The following PLCB1 variants were observed in gnomAD, a reference collection of about 807,000 sequenced individuals.
The protein encoded by PLCB1 is 1-phosphatidylinositol 4,5-bisphosphate phosphodiesterase beta-1.
In PLCB1, 46 loss-of-function variants were observed where a neutral mutation model predicts 161.8. That is an observed-to-expected ratio of 0.28 (90% confidence interval 0.22 to 0.36). The LOEUF (loss-of-function observed/expected upper bound fraction) is 0.36. PLCB1 is among the 10% of genes least tolerant of loss of function. PLCB1 has a pLI of 1.00. For synonymous variants in PLCB1, 517 were observed against 503.7 expected, an observed-to-expected ratio of 1.03 and a Z score of -0.35; for missense variants, 1,016 against 1,472.5, an observed-to-expected ratio of 0.69 and a Z score of 5.07.
chr20:8,850,770 G>A (rs1986859406), intron 31 of PLCB1, among the ~76,000 whole-genome samples: 1 of 152,054 alleles, frequency 6.6e-6, no homozygotes, highest in African/African-American at 2.4e-5. Context: ...CTGGTGCCAT[G>A]GTCTTGGAAT....
At chr20:8,271,817 G>A (rs189380509) in intron 2 of PLCB1, among the ~76,000 whole-genome samples, 41 of 152,160 alleles carry the variant, frequency 2.7e-4, no homozygotes, top group Admixed American at 2.3e-3. Flanking sequence ...ACATAACAGG[G>A]ACAAACTAAG....
intron 3 of PLCB1, among the ~76,000 whole-genome samples, chr20:8,490,636 T>C (rs138324278): frequency 1.4e-3 from 210 of 152,314 alleles, no homozygotes; most frequent in African/African-American, 4.9e-3. Context: ...ACACTTTGTA[T>C]GACAGCATCT....
chr20:8,375,486 A>C (rs1433086390), intron 3 of PLCB1, among the ~76,000 whole-genome samples: 1 of 152,204 alleles, frequency 6.6e-6, no homozygotes, highest in African/African-American at 2.4e-5. Context: ...CTTGTACAGA[A>C]AAAGTTGTTT....
chr20:8,317,045 T>G (rs1266804998), intron 2 of PLCB1, among the ~76,000 whole-genome samples: 1 of 148,262 alleles, frequency 6.7e-6, no homozygotes, highest in Non-Finnish European at 1.5e-5. Flanking sequence ...ACATAATAGA[T>G]GGCAATAAAT....
At chr20:8,613,417 G>A (rs996166733) in intron 3 of PLCB1, among the ~76,000 whole-genome samples, 2 of 152,192 alleles carry the variant, frequency 1.3e-5, no homozygotes, top group African/African-American at 4.8e-5. Context: ...AGCCGTGTCT[G>A]TTAGCAACTC....
intron 11 of PLCB1, among the ~76,000 whole-genome samples, chr20:8,701,892 A>G (rs1437264474): frequency 6.6e-6 from 1 of 152,174 alleles, no homozygotes; most frequent in East Asian, 1.9e-4. Flanking sequence ...TTCCCCCAAC[A>G]TTTGCCAGTT....
At chr20:8,301,583 A>G (rs975167393) in intron 2 of PLCB1, among the ~76,000 whole-genome samples, 7 of 152,036 alleles carry the variant, frequency 4.6e-5, no homozygotes, top group Admixed American at 3.9e-4. Context: ...TCCACACACT[A>G]GACACATGCA....
chr20:8,792,729 T>A (rs1983824470), intron 31 of PLCB1: 1 of 436,366 alleles, frequency 2.3e-6, no homozygotes, highest in Admixed American at 2.9e-5. Context: ...TCTTCATGGC[T>A]TAAAAACGTT....
chr20:8,783,715 C>A (rs529352517), intron 27 of PLCB1, among the ~76,000 whole-genome samples: 1 of 152,304 alleles, frequency 6.6e-6, no homozygotes, highest in East Asian at 1.9e-4. Flanking sequence ...TAGTGTTATT[C>A]TTTTCCAAAG....
intron 31 of PLCB1, among the ~76,000 whole-genome samples, chr20:8,831,902 CTCTTTCTTTCTCTTTCTT>C (rs869182282): frequency 0.055 from 6,573 of 118,538 alleles, 682 homozygotes; most frequent in East Asian, 0.12. Flanking sequence ...CTTTCTCCCT[CTCTTTCTTTCTCTTTCTT>C]TCTTTCTTTC....
At chr20:8,403,094 TTTAA>T in intron 3 of PLCB1, among the ~76,000 whole-genome samples, 1 of 152,312 alleles carries the variant, frequency 6.6e-6, no homozygotes, top group East Asian at 1.9e-4. Context: ...GTTAGAACTA[TTTAA>T]TTAAATAAAA....
At chr20:8,405,970 C>T (rs1978769469) in intron 3 of PLCB1, among the ~76,000 whole-genome samples, 1 of 151,714 alleles carries the variant, frequency 6.6e-6, no homozygotes, top group African/African-American at 2.4e-5. Flanking sequence ...AGTATTTACA[C>T]AAGATAAATT....
At chr20:8,534,820 G>A (rs1265520281) in intron 3 of PLCB1, among the ~76,000 whole-genome samples, 1 of 152,130 alleles carries the variant, frequency 6.6e-6, no homozygotes, top group African/African-American at 2.4e-5. Flanking sequence ...TATCCATCTT[G>A]ACAGGTGTAG....
intron 3 of PLCB1, 77 bp downstream of exon 3, chr20:8,371,527 C>A: frequency 2.0e-6 from 2 of 989,720 alleles, no homozygotes; most frequent in South Asian, 1.4e-5. Context: ...ATTAATTGCC[C>A]CAATTAAAAG....
At chr20:8,214,077 A>G (rs1485444754) in intron 2 of PLCB1, among the ~76,000 whole-genome samples, 2 of 152,156 alleles carry the variant, frequency 1.3e-5, no homozygotes, top group Non-Finnish European at 2.9e-5. Context: ...GCAAAAGCGA[A>G]ACAAAGGAGG....
chr20:8,231,859 A>G (rs1980058299), intron 2 of PLCB1, among the ~76,000 whole-genome samples: 1 of 152,152 alleles, frequency 6.6e-6, no homozygotes, highest in South Asian at 2.1e-4. Flanking sequence ...AATGAATCAG[A>G]TGTAACAGCC....
At chr20:8,249,323 T>G (rs750866899) in intron 2 of PLCB1, 2 of 151,982 alleles carry the variant, frequency 1.3e-5, no homozygotes, top group Non-Finnish European at 2.9e-5. Context: ...CTAATGTGCC[T>G]CATTTTGGGG....
intron 2 of PLCB1, among the ~76,000 whole-genome samples, chr20:8,228,158 T>C (rs545171127): frequency 6.6e-6 from 1 of 151,500 alleles, no homozygotes; most frequent in East Asian, 1.9e-4. Flanking sequence ...AGACTCTGTC[T>C]CAAAATAAAT....
At chr20:8,236,252 C>T (rs1177310757) in intron 2 of PLCB1, among the ~76,000 whole-genome samples, 1 of 152,022 alleles carries the variant, frequency 6.6e-6, no homozygotes, top group Non-Finnish European at 1.5e-5. Context: ...AAAAATAACA[C>T]AGGCACAGTG....
Sources: gnomAD v4.1 joint callset for allele counts (sites outside exome capture counted in the v4.1 genomes callset) on GRCh38, gnomAD v4.1.1 for gene constraint, MANE v1.5 for transcripts, NCBI Gene and HGNC (gene_info 2026-07-23, HGNC 2026-07-21) for gene names.